Variants in RNF216 observed in about 807,000 individuals in gnomAD.
RNF216 encodes E3 ubiquitin-protein ligase RNF216.
In RNF216, 72 loss-of-function variants were observed where a neutral mutation model predicts 110.8. The observed-to-expected ratio is 0.65, with a 90% CI of 0.54 to 0.79. The LOEUF (loss-of-function observed/expected upper bound fraction) is 0.79. Ranked by LOEUF, RNF216 falls within the 30% of genes least tolerant of loss-of-function variation. The pLI is 0.00. For synonymous variants in RNF216, 495 were observed against 407.5 expected (o/e 1.21, Z -2.59); for missense variants, 1,342 against 1,141.2 (o/e 1.18, Z -2.54).
intron 15 of RNF216, among the ~76,000 whole-genome samples, chr7:5,633,937 C>T (rs1787238264): frequency 1.3e-5 from 2 of 152,180 alleles, no homozygotes; most frequent in Admixed American, 6.5e-5. Flanking sequence ...ACAGTTCTGT[C>T]CACGCAGCAG....
chr7:5,644,205 C>CG (rs1787913200), intron 14 of RNF216, among the ~76,000 whole-genome samples: 1 of 152,064 alleles, frequency 6.6e-6, no homozygotes, highest in South Asian at 2.1e-4. Context: ...TACCTGAGAG[C>CG]GGAACTGCTG....
chr7:5,683,226 A>T (rs1201295643), intron 13 of RNF216, among the ~76,000 whole-genome samples: 1 of 152,196 alleles, frequency 6.6e-6, no homozygotes, highest in African/African-American at 2.4e-5. Flanking sequence ...GAATCTATGT[A>T]GCCCTTAGCA....
intron 1 of RNF216, among the ~76,000 whole-genome samples, chr7:5,764,463 C>A (rs1476392589): frequency 6.6e-6 from 1 of 151,738 alleles, no homozygotes; most frequent in Non-Finnish European, 1.5e-5. Context: ...GCCTGGTCAA[C>A]ATGGCAAAAC....
chr7:5,656,346 C>G (rs2128580730), intron 13 of RNF216, among the ~76,000 whole-genome samples: 1 of 152,314 alleles, frequency 6.6e-6, no homozygotes, highest in African/African-American at 2.4e-5. Context: ...ATGATAACCA[C>G]ATTCTTCAAT....
chr7:5,770,983 T>C (rs775533608), intron 1 of RNF216, among the ~76,000 whole-genome samples: 7 of 152,106 alleles, frequency 4.6e-5, no homozygotes, highest in Non-Finnish European at 1.0e-4. Flanking sequence ...AATTTTTGTA[T>C]TGTTAGTAGA....
At chr7:5,678,464 T>C (rs1157079499) in intron 13 of RNF216, among the ~76,000 whole-genome samples, 1 of 152,220 alleles carries the variant, frequency 6.6e-6, no homozygotes, top group Non-Finnish European at 1.5e-5. Flanking sequence ...CAGAGATTCA[T>C]GCCACCTGGC....
At chr7:5,647,715 C>A (rs898805877) in intron 14 of RNF216, among the ~76,000 whole-genome samples, 6 of 152,180 alleles carry the variant, frequency 3.9e-5, no homozygotes, top group Non-Finnish European at 8.8e-5. Context: ...GAGAATCATT[C>A]TAGACTCCTT....
intron 13 of RNF216, among the ~76,000 whole-genome samples, chr7:5,676,702 T>A (rs1263258653): frequency 2.0e-5 from 3 of 152,218 alleles, no homozygotes; most frequent in Non-Finnish European, 2.9e-5. Context: ...ATGCCCCTAT[T>A]CTTAAGGAAT....
chr7:5,746,416 A>C (rs1367833095), intron 3 of RNF216, among the ~76,000 whole-genome samples: 5 of 152,308 alleles, frequency 3.3e-5, no homozygotes, highest in Admixed American at 6.5e-5. Flanking sequence ...ATGTGGGTGC[A>C]ACTCCATTTG....
intron 13 of RNF216, among the ~76,000 whole-genome samples, chr7:5,693,000 T>C (rs1486680699): frequency 6.6e-6 from 1 of 152,232 alleles, no homozygotes; most frequent in African/African-American, 2.4e-5. Context: ...GACACAATTG[T>C]GGGCATATTG....
chr7:5,672,457 A>T (rs1789979676), intron 13 of RNF216, among the ~76,000 whole-genome samples: 1 of 152,238 alleles, frequency 6.6e-6, no homozygotes, highest in African/African-American at 2.4e-5. Flanking sequence ...ATGAAACTAC[A>T]CACACATGAT....
chr7:5,715,729 A>G (rs1178412003), intron 10 of RNF216, among the ~76,000 whole-genome samples: 2 of 127,888 alleles, frequency 1.6e-5, no homozygotes, highest in Non-Finnish European at 3.2e-5. Flanking sequence ...CCAATCACCA[A>G]CTCATTCTTT....
chr7:5,681,065 G>T (rs1790621447), intron 13 of RNF216, among the ~76,000 whole-genome samples: 1 of 152,064 alleles, frequency 6.6e-6, no homozygotes, highest in African/African-American at 2.4e-5. Context: ...CCCACACTGG[G>T]GTCTCAGCTC....
intron 13 of RNF216, among the ~76,000 whole-genome samples, chr7:5,661,727 T>C (rs945486027): frequency 1.3e-5 from 2 of 152,002 alleles, no homozygotes; most frequent in Non-Finnish European, 2.9e-5. Context: ...CGTTCGAACC[T>C]GGGAGGCAGA....
intron 12 of RNF216, 94 bp downstream of exon 12, chr7:5,712,621 G>C (rs564189095): frequency 8.0e-7 from 1 of 1,257,428 alleles, no homozygotes; most frequent in Non-Finnish European, 1.1e-6. Flanking sequence ...AAACCTGGAA[G>C]ATAAACACAA....
At chr7:5,653,441 A>G (rs917902851) in intron 13 of RNF216, among the ~76,000 whole-genome samples, 1 of 151,716 alleles carries the variant, frequency 6.6e-6, no homozygotes, top group African/African-American at 2.4e-5. Flanking sequence ...TACTAAAAAT[A>G]CAAAAAAAAA....
chr7:5,763,861 C>A (rs1214546168), intron 1 of RNF216, among the ~76,000 whole-genome samples: 2 of 152,136 alleles, frequency 1.3e-5, no homozygotes, highest in African/African-American at 4.8e-5. Context: ...GTGTGAACCA[C>A]CAAGCCCAGC....
At chr7:5,689,769 C>T (rs1207111238) in intron 13 of RNF216, among the ~76,000 whole-genome samples, 1 of 151,748 alleles carries the variant, frequency 6.6e-6, no homozygotes, top group African/African-American at 2.4e-5. Flanking sequence ...GCCTGGCCTG[C>T]GTGGCAAAAT....
chr7:5,671,003 G>A (rs908559183), intron 13 of RNF216, among the ~76,000 whole-genome samples: 11 of 152,206 alleles, frequency 7.2e-5, no homozygotes, highest in African/African-American at 2.4e-4. Flanking sequence ...TGCCGGAGTG[G>A]CAGCCTGCTC....
Sources: allele counts gnomAD v4.1 joint callset (sites outside exome capture counted in the v4.1 genomes callset), GRCh38; gene constraint gnomAD v4.1.1; transcripts MANE v1.5; gene names NCBI Gene and HGNC (gene_info 2026-07-23, HGNC 2026-07-21).